CARS2: variants seen among roughly 807,000 people sequenced by gnomAD.
CARS2 encodes the protein cysteinyl-tRNA synthetase 2, mitochondrial, also known as probable cysteine--tRNA ligase, mitochondrial.
In CARS2, 52 loss-of-function variants were observed where a neutral mutation model predicts 68.8. The ratio of observed to expected loss-of-function variants is 0.76; its 90% CI spans 0.61 to 0.95. The LOEUF (loss-of-function observed/expected upper bound fraction) is 0.95. CARS2 is among the 40% of genes least tolerant of loss of function. CARS2 has a pLI of 0.00. For missense variants in CARS2, 780 were observed against 754.2 expected (o/e 1.03, Z -0.40); for synonymous variants, 314 against 303.6 (o/e 1.03, Z -0.36).
At chr13:110,663,706 T>G (rs1204316624) in intron 8 of CARS2, 188 bp from the exon 9 acceptor site, 123 of 1,386,450 alleles carry the variant, frequency 8.9e-5, no homozygotes, top group Non-Finnish European at 1.1e-4. Flanking sequence ...GGACCTGCCC[T>G]TGTTCCACGG....
At chr13:110,700,524 G>A (rs1185572395) in intron 3 of CARS2, among the ~76,000 whole-genome samples, 1 of 152,216 alleles carries the variant, frequency 6.6e-6, no homozygotes, top group Non-Finnish European at 1.5e-5. Flanking sequence ...CAATGGCCAC[G>A]AGGAAACCCA....
At chr13:110,674,688 A>G (rs375697491) in intron 7 of CARS2, among the ~76,000 whole-genome samples, 166 of 152,350 alleles carry the variant, frequency 1.1e-3, no homozygotes, top group Admixed American at 1.8e-3. Flanking sequence ...CAATGGCAAC[A>G]AAAGCCAGAA....
chr13:110,671,385 C>A (rs1320190433), intron 7 of CARS2, among the ~76,000 whole-genome samples: 1 of 152,116 alleles, frequency 6.6e-6, no homozygotes, highest in African/African-American at 2.4e-5. Context: ...CCTCTATAAG[C>A]CAGAAGAGAG....
intron 3 of CARS2, among the ~76,000 whole-genome samples, chr13:110,699,174 A>T (rs953183924): frequency 6.6e-6 from 1 of 152,200 alleles, no homozygotes; most frequent in African/African-American, 2.4e-5. Context: ...CCTCCAGCAT[A>T]GTGAGCAAAT....
chr13:110,676,958 G>A lies in CARS2; in HGVS notation c.785+16C>T, dbSNP rs747688017. 20 of 1,519,284 alleles carry A rather than the reference G, an allele frequency of 1.3e-5. No homozygotes were observed. The East Asian group carries it at 4.6e-4, about 35-fold the overall frequency. 94.1% of individuals were successfully genotyped at this position (1,519,284 alleles called of 1,614,324 possible). A position where few individuals can be genotyped will look rare whatever the true frequency, so the allele number is the denominator to read the frequency against. ...GAACTTGAGCCCCAACCCCCAGGAA[G>A]CGGCAGGCACCTTACCTAGCGATGG... On this transcript the variant is annotated intron_variant, in intron 7 of 14. Coordinates refer to ENST00000257347, the MANE Select transcript of CARS2 (RefSeq NM_024537.4). The surrounding 1 kb of genome is among the most constrained non-coding windows in gnomAD (Gnocchi z 4.0).
chr13:110,675,931 G>A (rs1417347830), intron 7 of CARS2, among the ~76,000 whole-genome samples: 6 of 152,162 alleles, frequency 3.9e-5, no homozygotes, highest in East Asian at 1.9e-4. Flanking sequence ...CAAGGCGGGC[G>A]GATTACCTGA....
intron 8 of CARS2, chr13:110,663,957 T>C: frequency 1.0e-6 from 1 of 991,254 alleles, no homozygotes; most frequent in Non-Finnish European, 1.2e-6. Flanking sequence ...AAAAACAGAG[T>C]GGCACTTGTG....
At chr13:110,692,982 C>A (rs971761948) in intron 3 of CARS2, among the ~76,000 whole-genome samples, 2 of 149,500 alleles carry the variant, frequency 1.3e-5, no homozygotes, top group Non-Finnish European at 3.0e-5. Context: ...TGGTGGTGGG[C>A]GCCTGTAATC....
chr13:110,656,183 A>G (rs548369605), intron 9 of CARS2, among the ~76,000 whole-genome samples: 3 of 152,172 alleles, frequency 2.0e-5, no homozygotes, highest in Non-Finnish European at 4.4e-5. Flanking sequence ...TAGGCCTGTA[A>G]TCCCAGCTAC....
chr13:110,658,206 T>C (rs2062418172), intron 9 of CARS2, among the ~76,000 whole-genome samples: 1 of 152,172 alleles, frequency 6.6e-6, no homozygotes. Context: ...GGAAGGAAAT[T>C]TTGACATGGA....
chr13:110,686,539 G>A (rs2063309305), intron 5 of CARS2, among the ~76,000 whole-genome samples: 2 of 151,718 alleles, frequency 1.3e-5, no homozygotes, highest in Admixed American at 6.6e-5. Flanking sequence ...CAGCCACCAC[G>A]CCCAGCCCTG....
chr13:110,707,066 A>C (rs2063977959), upstream of CARS2, among the ~76,000 whole-genome samples: 1 of 150,610 alleles, frequency 6.6e-6, no homozygotes, highest in African/African-American at 2.5e-5. Context: ...CCCCTAATAC[A>C]CTGTGCACTC....
chr13:110,647,410 C>A (rs1888290485), intron 10 of CARS2, among the ~76,000 whole-genome samples, 171 bp from the exon 11 acceptor site: 1 of 152,252 alleles, frequency 6.6e-6, no homozygotes, highest in African/African-American at 2.4e-5. Context: ...CCACTGGACA[C>A]AGACCACAGG....
intron 3 of CARS2, among the ~76,000 whole-genome samples, chr13:110,688,337 A>G (rs2063364803): frequency 1.3e-5 from 2 of 152,274 alleles, no homozygotes; most frequent in African/African-American, 4.8e-5. Flanking sequence ...TAATCCCAAC[A>G]CTTTGGGAGG....
Position 110,670,325 on chromosome 13 carries a change from C to T in CARS2, c.786-2852G>A, listed in dbSNP as rs1386390283. On this transcript the variant is annotated intron_variant, in intron 7 of 14. Transcript: ENST00000257347. The surrounding 1 kb of genome is among the most constrained non-coding windows in gnomAD (Gnocchi z 4.1). ...ACCTCCCAGTAGGGGCTGACTGACA[C>T]CTCATACAGCCAGGTGCCCTCTGAG... Among the ~76,000 whole-genome samples, 2 of 152,192 alleles carry T rather than the reference C, an allele frequency of 1.3e-5. No homozygotes were observed. Among genetic ancestry groups the T allele is most frequent in the African/African-American group, 4.8e-5 (2 of 41,440 alleles).
Position 110,705,791 on chromosome 13 carries a change from C to G in CARS2, c.224+79G>C. Reference sequence around the variant, plus strand: ...CATGCAGCTTCCTAAACGCCCTCCCCGAGCCCAGATCCCGTTCAGCCGTGG... The same window carrying G: ...CATGCAGCTTCCTAAACGCCCTCCCGGAGCCCAGATCCCGTTCAGCCGTGG... On this transcript the variant is annotated intron_variant, in intron 1 of 14. Transcript: ENST00000257347. The surrounding 1 kb of genome is among the most constrained non-coding windows in gnomAD (Gnocchi z 4.0). 1 of 1,526,928 alleles carries G rather than the reference C, an allele frequency of 6.5e-7. No homozygotes were observed. The highest frequency in any genetic ancestry group is 8.8e-7 in the Non-Finnish European group (1 of 1,139,956). 94.6% of individuals were successfully genotyped at this position (1,526,928 alleles called of 1,614,324 possible).
Position 110,698,295 on chromosome 13 carries a change from G to A in CARS2, c.393+3143C>T, listed in dbSNP as rs953413704. On this transcript the variant is annotated intron_variant, in intron 3 of 14. Coordinates refer to ENST00000257347, the MANE Select transcript of CARS2 (RefSeq NM_024537.4). ...AGCACTTTGGGAGGCCGAGGAGGGC[G>A]GATCACCTGAGATCAGGAGTTCGAG... Among the ~76,000 whole-genome samples, 9 of 152,066 alleles carry A rather than the reference G, an allele frequency of 5.9e-5. No homozygotes were observed. In the South Asian group the frequency reaches 6.2e-4, roughly 11 times the overall value.
At chr13:110,664,286 C>T (rs1379317996) in intron 8 of CARS2, 3 of 761,782 alleles carry the variant, frequency 3.9e-6, no homozygotes, top group Non-Finnish European at 4.8e-6. Flanking sequence ...GTGGAAGGAC[C>T]GCTTGAGCCC....
Position 110,667,462 on chromosome 13 carries a change from C to A in CARS2, c.797G>T (p.Gly266Val), listed in dbSNP as rs1404251049. ...ACCTGAATGGATATCCAGTTGACTT[C>A]CAAATACCATACTGCAAGACACAGT... ...ECSAIASMVF[G>V]SQLDIHSGGI... is the part of the protein sequence containing the mutation. The change falls in exon 8 of 15, where the codon GGA becomes GTA. Residue 266 changes from glycine to valine, a missense_variant. Physicochemically the swap from Gly to Val is moderately radical, Grantham distance 109. Transcript: ENST00000257347. The A allele has an allele frequency of 6.2e-7, 1 of 1,613,800 alleles. No individual in the cohort carries two copies. Among genetic ancestry groups the A allele is most frequent in the Admixed American group, 1.7e-5 (1 of 59,964 alleles).
Sources: allele counts gnomAD v4.1 joint callset (sites outside exome capture counted in the v4.1 genomes callset), GRCh38; gene constraint gnomAD v4.1.1; non-coding constraint Gnocchi (gnomAD v3.1); transcripts MANE v1.5; gene names NCBI Gene and HGNC (gene_info 2026-07-23, HGNC 2026-07-21).